Variants in WDR86 observed in about 807,000 individuals in gnomAD.
WDR86 encodes the protein WD repeat domain 86.
WDR86 carries 30 observed loss-of-function variants against 36.5 expected under a neutral mutation model. That is an observed-to-expected ratio of 0.82 (90% CI 0.61 to 1.11). The LOEUF is 1.11. WDR86 is among the 50% of genes most tolerant of loss of function. The pLI is 0.00. For synonymous variants in WDR86, 255 were observed against 252.9 expected, an observed-to-expected ratio of 1.01 and a Z score of -0.08; for missense variants, 545 against 561.2, an observed-to-expected ratio of 0.97 and a Z score of 0.29.
At chr7:151,387,354 CTG>C (rs1367091659) in intron 3 of WDR86, among the ~76,000 whole-genome samples, 6 of 152,284 alleles carry the variant, frequency 3.9e-5, no homozygotes, top group African/African-American at 1.4e-4. Flanking sequence ...CCTGTGAGCA[CTG>C]TGCTTAGCCC....
downstream of WDR86, among the ~76,000 whole-genome samples, chr7:151,375,025 T>TG (rs1798147712): frequency 1.9e-4 from 2 of 10,620 alleles, no homozygotes; most frequent in Admixed American, 2.7e-3. Context: ...GGGGCGGGGC[T>TG]GGGGGGACAG....
chr7:151,407,004 T>G (rs1800752464), intron 1 of WDR86, among the ~76,000 whole-genome samples: 1 of 152,168 alleles, frequency 6.6e-6, no homozygotes. Context: ...ACAAAAGGAC[T>G]GTCACACACT....
rs1382976219 is a variant in WDR86 at position 151,406,332 on chromosome 7, C to T, written c.163+3095G>A. On this transcript the variant is annotated intron_variant, in intron 1 of 5. Coordinates refer to ENST00000334493, the MANE Select transcript of WDR86 (RefSeq NM_198285.3). The surrounding 1 kb of genome is among the most constrained non-coding windows in gnomAD (Gnocchi z 4.4). The stretch of plus-strand genomic sequence containing the variant: ...AACTTTCCTAAGCTCTGCGAGACAC[C>T]CAGGAAAGCCTGCGGTCCCTGATTG... Among the ~76,000 whole-genome samples, 1 of 152,162 alleles carries T rather than the reference C, an allele frequency of 6.6e-6. No individual in the cohort carries two copies. The highest frequency in any genetic ancestry group is 2.4e-5 in the African/African-American group (1 of 41,442).
chr7:151,408,906 C>T (rs1463830451), intron 1 of WDR86: 1 of 471,152 alleles, frequency 2.1e-6, no homozygotes, highest in Non-Finnish European at 4.4e-6. Flanking sequence ...AGCCTGTTTC[C>T]ACGTCTGTAT....
At position 151,406,436 on chromosome 7, in the gene WDR86, C is replaced by T. The variant is rs538367950; in HGVS notation, c.163+2991G>A. 3.9e-5 allele frequency among the ~76,000 whole-genome samples: 6 copies of T among 152,302 alleles called. No individual in the cohort carries two copies. The highest frequency in any genetic ancestry group is 1.2e-4 in the African/African-American group (5 of 41,568). On this transcript the variant is annotated intron_variant, in intron 1 of 5. Transcript: ENST00000334493. This position sits in a 1 kb window ranked among gnomAD's most constrained non-coding sequence, Gnocchi z 4.4. Reference sequence around the variant, plus strand: ...AGTCGCCAGCCCCAGCCACTCTGCTCGAGAAATCCAGGACCGGCCAACCAC... The same window carrying T: ...AGTCGCCAGCCCCAGCCACTCTGCTTGAGAAATCCAGGACCGGCCAACCAC...
At chr7:151,376,612 T>C (rs201382588), downstream of WDR86, 214 of 1,581,766 alleles carry the variant, frequency 1.4e-4, 1 homozygote, top group Middle Eastern at 2.3e-3. Context: ...GCTGATGCTG[T>C]GACCCCTGCG....
At chr7:151,408,125 C>A (rs906548035) in intron 1 of WDR86, among the ~76,000 whole-genome samples, 1 of 151,974 alleles carries the variant, frequency 6.6e-6, no homozygotes, top group Admixed American at 6.6e-5. Context: ...CCCAAGTAAC[C>A]GGTAATCCAA....
chr7:151,383,876 C>T (rs981118019), intron 4 of WDR86, among the ~76,000 whole-genome samples: 2 of 152,232 alleles, frequency 1.3e-5, no homozygotes, highest in Admixed American at 1.3e-4. Flanking sequence ...GCTTTCCCTG[C>T]GGGCTCCATG....
chr7:151,391,161 G>A (rs958813242), intron 3 of WDR86, among the ~76,000 whole-genome samples: 9 of 152,188 alleles, frequency 5.9e-5, no homozygotes, highest in East Asian at 3.9e-4. Flanking sequence ...GATGGCCCTC[G>A]GTCAGAGAAG....
downstream of WDR86, chr7:151,376,595 G>T (rs200208346): frequency 1.3e-6 from 2 of 1,549,622 alleles, no homozygotes; most frequent in Admixed American, 3.7e-5. Context: ...CAGAAGAGGC[G>T]CCAGGGGCTG....
Position 151,405,632 on chromosome 7 carries a change from C to T in WDR86, c.163+3795G>A, listed in dbSNP as rs1055040607. ...AGCCCCCACTTTGAACCAAGACCTA[C>T]GCAGCTTGGCTTTCTGGACTTCTCC... On this transcript the variant is annotated intron_variant, in intron 1 of 5. Coordinates refer to ENST00000334493, the MANE Select transcript of WDR86 (RefSeq NM_198285.3). The surrounding 1 kb of genome is among the most constrained non-coding windows in gnomAD (Gnocchi z 4.7). 2.6e-4 allele frequency among the ~76,000 whole-genome samples: 39 copies of T among 152,272 alleles called. No individual in the cohort carries two copies. Among genetic ancestry groups the T allele is most frequent in the African/African-American group, 8.2e-4 (34 of 41,542 alleles).
intron 4 of WDR86, among the ~76,000 whole-genome samples, chr7:151,383,473 C>CAA (rs60998418): frequency 4.6e-5 from 6 of 130,390 alleles, no homozygotes; most frequent in African/African-American, 1.7e-4. Context: ...GACTCCGTCT[C>CAA]AAAAAAAAAA....
Position 151,381,677 on chromosome 7 carries a change from G to C in WDR86, c.1036C>G (p.Arg346Gly). 2.1e-6 allele frequency: 3 copies of C among 1,427,414 alleles called. No homozygotes were observed. The South Asian group carries it at 4.5e-5, about 21-fold the overall frequency. The allele number at this position is 1,427,414 out of a possible 1,614,324, so 88.4% of individuals were successfully genotyped here. The change falls in exon 6 of 6, where the codon CGA (arginine) becomes GGA (glycine). Residue 346 changes from arginine (R) to glycine (G), a missense_variant. Coordinates refer to ENST00000334493, the MANE Select transcript of WDR86 (RefSeq NM_198285.3). This position sits in a 1 kb window ranked among gnomAD's most constrained non-coding sequence, Gnocchi z 4.8. ...ALRLWDVRGL[R>G]GAPRPPPPMR... ...GGCGGAGGGGGCCGCGGGGCACCTC[G>C]GAGCCCGCGCACGTCCCAGAGGCGC... is the stretch of plus-strand genomic sequence containing the variant.
downstream of WDR86, chr7:151,376,891 G>T (rs1348619694): frequency 3.4e-6 from 5 of 1,480,768 alleles, no homozygotes; most frequent in Admixed American, 1.1e-4. Flanking sequence ...AGCCACGGCA[G>T]ATGTGGAGAC....
rs997530170 is a variant in WDR86, at chr7:151,390,128, C to T, written c.727-4905G>A. ...GGTGTAATGGCCAGCCCTGGTGCCA[C>T]GAACCAAGGGACAGTCAGAGCTCGG... On this transcript the variant is annotated intron_variant, in intron 3 of 5. Coordinates refer to ENST00000334493, the MANE Select transcript of WDR86 (RefSeq NM_198285.3). The surrounding 1 kb of genome is among the most constrained non-coding windows in gnomAD (Gnocchi z 4.5). 3.9e-5 allele frequency among the ~76,000 whole-genome samples: 6 copies of T among 152,148 alleles called. No individual in the cohort carries two copies. The highest frequency in any genetic ancestry group is 7.2e-5 in the African/African-American group (3 of 41,440).
rs1202993506 is a variant in WDR86, at chr7:151,409,223, G to GCACCC, written c.163+199_163+203dup. 1 of 542,090 alleles carries GCACCC rather than the reference G, an allele frequency of 1.8e-6. No individual in the cohort carries two copies. The highest frequency in any genetic ancestry group is 2.7e-5 in the Admixed American group (1 of 37,412). The allele number at this position is 542,090 out of a possible 1,614,324, so 33.6% of individuals were successfully genotyped here. A position where few individuals can be genotyped will look rare whatever the true frequency, so the allele number is the denominator to read the frequency against. ...CCCGGCCGCACCCTGCTCTGCACCC[G>GCACCC]CACCCCACCCCCAGACCTCACCCTG... On this transcript the variant is annotated intron_variant, in intron 1 of 5. Transcript: ENST00000334493. This position sits in a 1 kb window ranked among gnomAD's most constrained non-coding sequence, Gnocchi z 5.2.
At chr7:151,379,202 T>C (rs2150733824), downstream of WDR86, among the ~76,000 whole-genome samples, 1 of 151,924 alleles carries the variant, frequency 6.6e-6, no homozygotes, top group Admixed American at 6.5e-5. Flanking sequence ...GTGCGGGTTG[T>C]GGGGAGAGAA....
Position 151,409,603 on chromosome 7 carries a change from C to A in WDR86, c.-14G>T. The A allele has an allele frequency of 7.3e-7, 1 of 1,374,498 alleles. No individual in the cohort carries two copies. The highest frequency in any genetic ancestry group is 9.4e-7 in the Non-Finnish European group (1 of 1,067,804). 85.1% of individuals were successfully genotyped at this position (1,374,498 alleles called of 1,614,324 possible). On this transcript the variant is annotated 5_prime_UTR_variant, in exon 1 of 6. Transcript: ENST00000334493. The surrounding 1 kb of genome is among the most constrained non-coding windows in gnomAD (Gnocchi z 5.2). ...GCCGCCCCCCATCCCGCTGGCAGGG[C>A]GGGGAACAAGAAGGAGCTGCGCCCC...
intron 3 of WDR86, among the ~76,000 whole-genome samples, chr7:151,393,172 G>A (rs1447273224): frequency 2.0e-5 from 3 of 152,366 alleles, no homozygotes; most frequent in South Asian, 4.1e-4. Flanking sequence ...GGGCATGCAT[G>A]TACGTGCGTG....
Sources: allele counts gnomAD v4.1 joint callset (sites outside exome capture counted in the v4.1 genomes callset), GRCh38; gene constraint gnomAD v4.1.1; non-coding constraint Gnocchi (gnomAD v3.1); transcripts MANE v1.5; gene names NCBI Gene and HGNC (gene_info 2026-07-23, HGNC 2026-07-21).